The following RESF1 variants were observed in gnomAD, a reference collection of about 807,000 sequenced individuals.
The protein encoded by RESF1 is retroelement silencing factor 1.
Under a neutral mutation model 134.7 loss-of-function variants are expected in RESF1, and 65 were observed. That is an observed-to-expected ratio of 0.48 (90% CI 0.40 to 0.59). The LOEUF (loss-of-function observed/expected upper bound fraction) is 0.59, where lower values mean the gene tolerates loss of function less well. Ranked by LOEUF, RESF1 falls within the 20% of genes least tolerant of loss-of-function variation. The probability of loss-of-function intolerance (pLI) is 0.00; values close to 1 mark genes in which losing one functional copy is unlikely to be tolerated. For synonymous variants in RESF1, 762 were observed against 702.2 expected (o/e 1.09, Z -1.35); for missense variants, 2,274 against 2,002.7 (o/e 1.14, Z -2.59).
In RESF1 at chr12:31,984,752, G is replaced by A; in HGVS notation, c.3797G>A (p.Ser1266Asn). 1.2e-6 allele frequency: 2 copies of A among 1,611,594 alleles called. No individual in the cohort carries two copies. The change falls in exon 4 of 6, where the codon AGC becomes AAC. Residue 1266 changes from serine to asparagine, a missense_variant. Ser to Asn is a conservative substitution (Grantham distance 46). Transcript: ENST00000312561. ...RKDTPKTKHK[S>N]LPRTEQELVA... The stretch of plus-strand genomic sequence containing the variant: ...GATACACCCAAAACAAAACATAAAA[G>A]CTTACCAAGGACAGAACAAGAATTA...
chr12:31,963,480 A>ACCAT (rs1939328053), intron 2 of RESF1, among the ~76,000 whole-genome samples: 1 of 152,160 alleles, frequency 6.6e-6, no homozygotes, highest in African/African-American at 2.4e-5. Context: ...TTTCAGGCAG[A>ACCAT]CCATCCCTCC....
intron 1 of RESF1, among the ~76,000 whole-genome samples, chr12:31,960,395 G>A (rs1939233595): frequency 6.6e-6 from 1 of 152,170 alleles, no homozygotes; most frequent in Admixed American, 6.5e-5. Context: ...TCTGCTAAAT[G>A]TGTTAGCTTT....
intron 3 of RESF1, among the ~76,000 whole-genome samples, chr12:31,979,755 CTA>C (rs936763711): frequency 3.6e-4 from 54 of 151,180 alleles, no homozygotes; most frequent in African/African-American, 1.3e-3. Context: ...CAGGGTTTCA[CTA>C]TGTTTCCCAG....
intron 2 of RESF1, among the ~76,000 whole-genome samples, chr12:31,964,868 T>G (rs1318918742): frequency 6.6e-6 from 1 of 152,216 alleles, no homozygotes; most frequent in Admixed American, 6.5e-5. Context: ...ACCATAAATG[T>G]GAGGGTTTAC....
At chr12:31,980,493 T>A (rs1270273563) in intron 3 of RESF1, among the ~76,000 whole-genome samples, 1 of 152,380 alleles carries the variant, frequency 6.6e-6, no homozygotes, top group Admixed American at 6.5e-5. Flanking sequence ...ACAATGAGAA[T>A]GTTTTTAACC....
intron 3 of RESF1, among the ~76,000 whole-genome samples, chr12:31,977,372 G>A (rs1939658984): frequency 1.3e-5 from 2 of 152,066 alleles, no homozygotes; most frequent in South Asian, 4.1e-4. Flanking sequence ...GTAGAGACGG[G>A]GGCTTCACCA....
rs143088372 is a variant in RESF1, at chr12:31,985,253, C to T, written c.4298C>T (p.Thr1433Met). 7.2e-5 allele frequency: 116 copies of T among 1,609,796 alleles called. No homozygotes were observed. The highest frequency in any genetic ancestry group is 1.6e-4 in the African/African-American group (12 of 74,614). ...KMVSNTKSVD[T>M]KASSSKFSRI... ...GTATCAAATACTAAGTCTGTAGACA[C>T]GAAAGCGAGTTCATCTAAATTTAGT... is the stretch of plus-strand genomic sequence containing the variant. The change falls in exon 4 of 6, where the codon ACG becomes ATG. Residue 1433 changes from threonine to methionine, a missense_variant. By Grantham distance (81) the Thr-to-Met change is moderately conservative. Coordinates refer to ENST00000312561, the MANE Select transcript of RESF1 (RefSeq NM_018169.4).
At chr12:31,980,064 A>T (rs77074975) in intron 3 of RESF1, among the ~76,000 whole-genome samples, 19,855 of 148,786 alleles carry the variant, frequency 0.13, 1,421 homozygotes, top group Admixed American at 0.18. Flanking sequence ...ATAACAAAAG[A>T]TATTTATGAA....
Position 31,982,349 on chromosome 12 carries a change from CAG to C in RESF1, c.1400_1401del (p.Arg467ThrfsTer13). On this transcript the variant is annotated frameshift_variant, in exon 4 of 6. Transcript: ENST00000312561. LOFTEE classifies it high-confidence loss of function. ...ATAACTCCAGTAATGCCAGAGAATGCAGAGAGACAAACACCAACAGTAGTGGA... is the reference window on the plus strand; with the variant it reads ...ATAACTCCAGTAATGCCAGAGAATGCAGAGACAAACACCAACAGTAGTGGA... 6.2e-7 allele frequency: 1 copy of C among 1,614,106 alleles called. No homozygotes were observed. Among genetic ancestry groups the C allele is most frequent in the South Asian group, 1.1e-5 (1 of 91,076 alleles).
chr12:31,979,302 ATTTG>A, intron 3 of RESF1, among the ~76,000 whole-genome samples: 1 of 152,100 alleles, frequency 6.6e-6, no homozygotes, highest in Non-Finnish European at 1.5e-5. Flanking sequence ...GTGGCTTGTG[ATTTG>A]ATTCAGTTCT....
chr12:31,972,635 G>C (rs1198906101), intron 3 of RESF1, among the ~76,000 whole-genome samples: 2 of 150,250 alleles, frequency 1.3e-5, no homozygotes, highest in Admixed American at 6.6e-5. Flanking sequence ...AGTGGGGGCA[G>C]TCTTGCAGGA....
chr12:31,969,683 G>GTC, intron 2 of RESF1, among the ~76,000 whole-genome samples: 1 of 152,260 alleles, frequency 6.6e-6, no homozygotes, highest in East Asian at 1.9e-4. Flanking sequence ...CTGTCGCACA[G>GTC]TCTGGAGTGC....
Position 31,970,234 on chromosome 12 carries a change from A to G in RESF1, c.-201A>G, listed in dbSNP as rs143780622. On this transcript the variant is annotated 5_prime_UTR_variant, in exon 3 of 6. Transcript: ENST00000312561. The stretch of plus-strand genomic sequence containing the variant: ...CCTGATTCACAAATTAATTTTTGCA[A>G]TTCACAACTTCAAGAATACTTGGAC... 6.6e-6 allele frequency: 1 copy of G among 152,170 alleles called. No individual in the cohort carries two copies. The highest frequency in any genetic ancestry group is 6.5e-5 in the Admixed American group (1 of 15,274). The allele number at this position is 152,170 out of a possible 1,614,324, so 9.4% of individuals were successfully genotyped here.
chr12:31,982,548 T>A lies in RESF1; in HGVS notation c.1593T>A (p.Ala531=), dbSNP rs1185113657. The change falls in exon 4 of 6, where the codon GCT becomes GCA. Residue 531 remains alanine (A), a synonymous_variant. Transcript: ENST00000312561. ...DVKVLTSKTS[A]VEMTQAVLNT... is the part of the protein sequence containing the mutation. Reference sequence around the variant, plus strand: ...AAGTTCTCACTTCAAAGACATCAGCTGTTGAGATGACCCAGGCAGTATTGA... The same window carrying A: ...AAGTTCTCACTTCAAAGACATCAGCAGTTGAGATGACCCAGGCAGTATTGA... The A allele has an allele frequency of 6.2e-7, 1 of 1,613,746 alleles. No homozygotes were observed. Among genetic ancestry groups the A allele is most frequent in the African/African-American group, 1.3e-5 (1 of 74,944 alleles).
rs1458738561 is a variant in RESF1, at chr12:31,983,663, C to A, written c.2708C>A (p.Thr903Asn). ...ATTTGTTCTCTGGTTGAAGGTGATACCTCTTACAATTCCCAAATAGCAAAG... is the reference window on the plus strand; with the variant it reads ...ATTTGTTCTCTGGTTGAAGGTGATAACTCTTACAATTCCCAAATAGCAAAG... ...DNICSLVEGD[T>N]SYNSQIAKIF... The change falls in exon 4 of 6, where the codon ACC (threonine) becomes AAC (asparagine). Residue 903 changes from threonine (T) to asparagine (N), a missense_variant. Coordinates refer to ENST00000312561, the MANE Select transcript of RESF1 (RefSeq NM_018169.4). The A allele has an allele frequency of 1.9e-6, 3 of 1,613,938 alleles. No homozygotes were observed. The highest frequency in any genetic ancestry group is 2.5e-6 in the Non-Finnish European group (3 of 1,179,964).
chr12:31,966,605 AATTT>A (rs1352714375), intron 2 of RESF1, among the ~76,000 whole-genome samples: 3 of 152,142 alleles, frequency 2.0e-5, no homozygotes, highest in African/African-American at 7.2e-5. Flanking sequence ...AAAGTAGAGC[AATTT>A]ATTTCTCCCT....
At chr12:31,990,936 G>A (rs1481370933) in intron 5 of RESF1, among the ~76,000 whole-genome samples, 1 of 152,190 alleles carries the variant, frequency 6.6e-6, no homozygotes, top group Non-Finnish European at 1.5e-5. Flanking sequence ...GGGCCCATGT[G>A]TGTCATCCCA....
At position 31,983,606 on chromosome 12, in the gene RESF1, T is replaced by C; in HGVS notation, c.2651T>C (p.Val884Ala). Residue 884 changes from valine (V) to alanine (A), a missense_variant, in exon 4 of 6, where the codon GTT becomes GCT. Transcript: ENST00000312561. ...TCACAGGAGTCAAGGAATAGTACTGTTGTGAGTAGTGATACATTACAGATT... is the reference window on the plus strand; with the variant it reads ...TCACAGGAGTCAAGGAATAGTACTGCTGTGAGTAGTGATACATTACAGATT... ...QISQESRNST[V>A]VSSDTLQIDN... The C allele has an allele frequency of 6.2e-7, 1 of 1,614,050 alleles. No homozygotes were observed.
At position 31,984,046 on chromosome 12, in the gene RESF1, T is replaced by C. The variant is rs1362011559; in HGVS notation, c.3091T>C (p.Tyr1031His). Reference protein sequence around the residue: ...YPQEIDASSNYTPQDPARNEI... With the variant: ...YPQEIDASSNHTPQDPARNEI... ...TCAGGAAATAGATGCATCCAGCAACTATACTCCCCAAGATCCTGCAAGAAA... is the reference window on the plus strand; with the variant it reads ...TCAGGAAATAGATGCATCCAGCAACCATACTCCCCAAGATCCTGCAAGAAA... The change falls in exon 4 of 6, where the codon TAT (tyrosine) becomes CAT (histidine). Residue 1031 changes from tyrosine to histidine, a missense_variant. By Grantham distance (83) the Tyr-to-His change is moderately conservative (BLOSUM62 2). Coordinates refer to ENST00000312561, the MANE Select transcript of RESF1 (RefSeq NM_018169.4). 6.2e-7 allele frequency: 1 copy of C among 1,613,974 alleles called. No individual in the cohort carries two copies. The highest frequency in any genetic ancestry group is 2.2e-5 in the East Asian group (1 of 44,888).
Sources: gnomAD v4.1 joint callset for allele counts (sites outside exome capture counted in the v4.1 genomes callset) on GRCh38, gnomAD v4.1.1 for gene constraint, MANE v1.5 for transcripts, NCBI Gene and HGNC (gene_info 2026-07-23, HGNC 2026-07-21) for gene names.